Variants in AMMECR1 observed in about 807,000 individuals in gnomAD.
AMMECR1 encodes the protein nuclear protein AMMECR1.
Under a neutral mutation model 22.5 loss-of-function variants are expected in AMMECR1, and 3 were observed. That is an observed-to-expected ratio of 0.13 (90% CI 0.06 to 0.35). The LOEUF (loss-of-function observed/expected upper bound fraction) is 0.35. Among genes scored for constraint, AMMECR1 ranks in the 10% least tolerant of loss-of-function variants. The probability of loss-of-function intolerance (pLI) is 1.00; values close to 1 mark genes in which losing one functional copy is unlikely to be tolerated. For synonymous variants in AMMECR1, 130 were observed against 116.7 expected, an observed-to-expected ratio of 1.11 and a Z score of -0.74; for missense variants, 235 against 278.7, an observed-to-expected ratio of 0.84 and a Z score of 1.12.
intron 2 of AMMECR1, chrX:110,347,011 A>T: frequency 2.1e-6 from 1 of 468,630 alleles, no homozygotes. Context: ...AGAAGGGCTC[A>T]GGAATACCAG....
rs916333454 is a variant in AMMECR1 at position 110,377,901 on chromosome X, C to T, written c.-148+48757G>A. Reference sequence around the variant, plus strand: ...GCGGGCCCCTGTAGTCCCAGCTACTCGGGAGGCTGAGGCAGGAGAATGGCG... The same window carrying T: ...GCGGGCCCCTGTAGTCCCAGCTACTTGGGAGGCTGAGGCAGGAGAATGGCG... On this transcript the variant is annotated intron_variant, in intron 2 of 7. Coordinates refer to the AMMECR1 transcript ENST00000372057. 6.8e-5 allele frequency among the ~76,000 whole-genome samples: 7 copies of T among 102,920 alleles called. No homozygotes were observed. In the South Asian group the frequency reaches 1.4e-3, roughly 21 times the overall value. The allele number at this position is 102,920 out of a possible 115,157, so 89.4% of individuals were successfully genotyped here.
At chrX:110,221,833 A>AGG (rs2067501774) in intron 2 of AMMECR1, among the ~76,000 whole-genome samples, 2 of 110,893 alleles carry the variant, frequency 1.8e-5, no homozygotes, top group Non-Finnish European at 3.8e-5. Context: ...TGCAGCCAAA[A>AGG]AACATGAAAA....
chrX:110,212,312 A>G (rs2067451473), intron 3 of AMMECR1, among the ~76,000 whole-genome samples: 1 of 111,920 alleles, frequency 8.9e-6, no homozygotes, highest in South Asian at 3.8e-4. Context: ...TCATGACCAC[A>G]GGGATATCTG....
chrX:110,321,840 A>G (rs1045016909), upstream of AMMECR1, among the ~76,000 whole-genome samples: 5 of 112,232 alleles, frequency 4.5e-5, no homozygotes, highest in Non-Finnish European at 9.4e-5. Flanking sequence ...TGCAGAATGT[A>G]ATATTCTTAG....
At chrX:110,250,650 C>T (rs926498052) in intron 2 of AMMECR1, among the ~76,000 whole-genome samples, 19 of 112,024 alleles carry the variant, frequency 1.7e-4, no homozygotes, top group African/African-American at 5.8e-4. Context: ...TCGACTAAAA[C>T]TATGTGGTAA....
upstream of AMMECR1, among the ~76,000 whole-genome samples, chrX:110,322,393 C>T (rs938981098): frequency 1.8e-5 from 2 of 111,856 alleles, no homozygotes; most frequent in African/African-American, 6.5e-5. Flanking sequence ...CTTTACTTGA[C>T]TGTTTTTCTC....
chrX:110,273,073 T>C (rs937537481), intron 1 of AMMECR1, among the ~76,000 whole-genome samples: 1 of 112,066 alleles, frequency 8.9e-6, no homozygotes, highest in African/African-American at 3.2e-5. Context: ...TTTTAGTTCT[T>C]AGAGAAATGG....
intron 2 of AMMECR1, among the ~76,000 whole-genome samples, chrX:110,327,813 T>A (rs1169018573): frequency 8.9e-6 from 1 of 111,886 alleles, no homozygotes; most frequent in Non-Finnish European, 1.9e-5. Flanking sequence ...TTACAAGCAA[T>A]TCTTGAACAG....
intron 2 of AMMECR1, among the ~76,000 whole-genome samples, chrX:110,366,709 T>G (rs2068299623): frequency 9.0e-6 from 1 of 111,560 alleles, no homozygotes; most frequent in African/African-American, 3.3e-5. Flanking sequence ...ATCCAATCGT[T>G]GTTAAATCCT....
At chrX:110,367,820 T>A (rs1426715085) in intron 2 of AMMECR1, among the ~76,000 whole-genome samples, 2 of 109,636 alleles carry the variant, frequency 1.8e-5, no homozygotes, top group African/African-American at 6.6e-5. Context: ...AAAAATTTAT[T>A]TGTTTAGAAA....
At chrX:110,392,002 A>G (rs1449728588) in intron 2 of AMMECR1, among the ~76,000 whole-genome samples, 1 of 112,411 alleles carries the variant, frequency 8.9e-6, no homozygotes, top group African/African-American at 3.2e-5. Context: ...TTAAAAGACC[A>G]ATAATATTGA....
chrX:110,200,862 G>C, intron 5 of AMMECR1, 92 bp downstream of exon 5: 1 of 588,798 alleles, frequency 1.7e-6, no homozygotes, highest in South Asian at 3.0e-5. Context: ...GAAAAAAGAA[G>C]TGTAGTTAGA....
intron 1 of AMMECR1, 75 bp from the exon 2 acceptor site, chrX:110,264,674 G>A: frequency 1.1e-5 from 9 of 842,596 alleles, no homozygotes; most frequent in Non-Finnish European, 1.5e-5. Context: ...TTGACTGTCT[G>A]CTAGGTTAGG....
At chrX:110,387,378 A>T (rs1253952933) in intron 2 of AMMECR1, among the ~76,000 whole-genome samples, 1 of 112,187 alleles carries the variant, frequency 8.9e-6, no homozygotes, top group Non-Finnish European at 1.9e-5. Context: ...TAACTGGACA[A>T]ATTTCACATA....
At chrX:110,263,834 A>T (rs1447560473) in intron 2 of AMMECR1, among the ~76,000 whole-genome samples, 1 of 112,199 alleles carries the variant, frequency 8.9e-6, no homozygotes, top group African/African-American at 3.2e-5. Flanking sequence ...TTTGGGTCAC[A>T]ATTTGCTTGA....
chrX:110,329,861 T>C (rs1163372525), intron 2 of AMMECR1, among the ~76,000 whole-genome samples: 2 of 111,945 alleles, frequency 1.8e-5, no homozygotes, highest in Non-Finnish European at 3.8e-5. Flanking sequence ...GTGTTTAAGG[T>C]GTATATGAAA....
At chrX:110,346,384 A>T (rs906201117) in intron 2 of AMMECR1, among the ~76,000 whole-genome samples, 1 of 112,309 alleles carries the variant, frequency 8.9e-6, no homozygotes, top group Non-Finnish European at 1.9e-5. Flanking sequence ...GTCAAATATC[A>T]CTAGTATTCA....
intron 2 of AMMECR1, among the ~76,000 whole-genome samples, chrX:110,386,927 A>C (rs1393204035): frequency 8.9e-6 from 1 of 112,411 alleles, no homozygotes; most frequent in Non-Finnish European, 1.9e-5. Flanking sequence ...TTTAAATAGC[A>C]GTTCAGGACC....
chrX:110,262,781 A>G (rs1295613688), intron 2 of AMMECR1, among the ~76,000 whole-genome samples: 1 of 112,007 alleles, frequency 8.9e-6, no homozygotes, highest in Non-Finnish European at 1.9e-5. Context: ...TACTACCCAA[A>G]TATAAAGTAA....
Sources: allele counts gnomAD v4.1 joint callset (sites outside exome capture counted in the v4.1 genomes callset), GRCh38; gene constraint gnomAD v4.1.1; transcripts MANE v1.5; gene names NCBI Gene and HGNC (gene_info 2026-07-23, HGNC 2026-07-21).